CTBP1: variants seen among roughly 807,000 people sequenced by gnomAD.
The protein encoded by CTBP1 is C-terminal binding protein 1, also known as C-terminal-binding protein 1.
CTBP1 carries 11 observed loss-of-function variants against 42.1 expected under a neutral mutation model. That is an observed-to-expected ratio of 0.26 (90% CI 0.16 to 0.43). The LOEUF (loss-of-function observed/expected upper bound fraction) is 0.43. CTBP1 is among the 20% of genes least tolerant of loss of function. The probability of loss-of-function intolerance (pLI) is 1.00; values close to 1 mark genes in which losing one functional copy is unlikely to be tolerated. For missense variants in CTBP1, 399 were observed against 624.3 expected, an observed-to-expected ratio of 0.64 and a Z score of 3.85; for synonymous variants, 324 against 277.1, an observed-to-expected ratio of 1.17 and a Z score of -1.68.
chr4:1,214,603 C>T, intron 6 of CTBP1, 130 bp from the exon 7 acceptor site: 1 of 1,203,490 alleles, frequency 8.3e-7, no homozygotes, highest in African/African-American at 1.6e-5. Context: ...CCACCCTGGG[C>T]TCACCACGGC....
intron 5 of CTBP1, 59 bp downstream of exon 5, chr4:1,225,301 G>C: frequency 6.7e-7 from 1 of 1,498,210 alleles, no homozygotes; most frequent in Non-Finnish European, 8.9e-7. Flanking sequence ...GGGCACAGCT[G>C]AAGAGCGGCA....
chr4:1,250,296 C>T (rs1385977711), upstream of CTBP1: 1 of 239,130 alleles, frequency 4.2e-6, no homozygotes, highest in Non-Finnish European at 8.5e-6. Flanking sequence ...CCCTGCGTGC[C>T]ACGTTCTGTT....
At chr4:1,248,775 G>A (rs1422498527) in intron 1 of CTBP1, 141 bp downstream of exon 1, 24 of 966,706 alleles carry the variant, frequency 2.5e-5, no homozygotes, top group East Asian at 2.4e-4. Context: ...ACGCGCGGAC[G>A]CCGGCGCGCA....
At chr4:1,234,220 G>T (rs1731255094) in intron 3 of CTBP1, among the ~76,000 whole-genome samples, 1 of 152,220 alleles carries the variant, frequency 6.6e-6, no homozygotes, top group Non-Finnish European at 1.5e-5. Context: ...GGAGGTCACG[G>T]CTTCTCTTCA....
intron 5 of CTBP1, chr4:1,221,360 C>A (rs891521971): frequency 2.6e-5 from 4 of 152,388 alleles, no homozygotes; most frequent in Admixed American, 6.5e-5. Flanking sequence ...TCCTTCCAGG[C>A]GAAACAATGT....
At chr4:1,228,910 C>A (rs1730675576) in intron 3 of CTBP1, among the ~76,000 whole-genome samples, 1 of 152,236 alleles carries the variant, frequency 6.6e-6, no homozygotes, top group Admixed American at 6.5e-5. Flanking sequence ...GCATGCACTG[C>A]CCCCGTGTCG....
rs1010807329 is a variant in CTBP1 at position 1,230,341 on chromosome 4, C to T, written c.163-1998G>A. Among the ~76,000 whole-genome samples the T allele has an allele frequency of 1.1e-4, 17 of 152,322 alleles. 2 individuals carry two copies. The highest frequency in any genetic ancestry group is 1.9e-4 in the East Asian group (1 of 5,190). ...CTGCGCTGCGTGGACTGGAGATGGG[C>T]GCCCACACACCAAGGAGGTGCTTCG... is the stretch of plus-strand genomic sequence containing the variant. On this transcript the variant is annotated intron_variant, in intron 3 of 9. Transcript: ENST00000382952.
At chr4:1,221,153 C>T (rs997111281) in intron 5 of CTBP1, among the ~76,000 whole-genome samples, 2 of 152,238 alleles carry the variant, frequency 1.3e-5, no homozygotes, top group African/African-American at 2.4e-5. Flanking sequence ...GTAACCAACA[C>T]GAAAAAGACG....
chr4:1,235,298 G>A lies in CTBP1; in HGVS notation c.162+2885C>T, dbSNP rs1404904741. ...ATTACAAGCACGCATCTACCCGTGT[G>A]AGAAACCATGAAGAATCTTCCAGAG... On this transcript the variant is annotated intron_variant, in intron 3 of 9. Coordinates refer to ENST00000382952, the MANE Select transcript of CTBP1 (RefSeq NM_001012614.2). This position sits in a 1 kb window ranked among gnomAD's most constrained non-coding sequence, Gnocchi z 4.2. The A allele has an allele frequency of 6.6e-6, 1 of 152,196 alleles. No individual in the cohort carries two copies. The highest frequency in any genetic ancestry group is 1.9e-4 in the East Asian group (1 of 5,188). 9.4% of individuals were successfully genotyped at this position (152,196 alleles called of 1,614,324 possible).
At chr4:1,241,588 G>C in intron 1 of CTBP1, 69 bp from the exon 2 acceptor site, 1 of 1,488,922 alleles carries the variant, frequency 6.7e-7, no homozygotes, top group East Asian at 2.7e-5. Context: ...CAGACTCCAG[G>C]GAACGCCTCA....
intron 5 of CTBP1, among the ~76,000 whole-genome samples, chr4:1,219,882 G>C (rs1729544668): frequency 6.6e-6 from 1 of 152,246 alleles, no homozygotes. Flanking sequence ...CAAAACTCAA[G>C]TGTATTTCTA....
chr4:1,235,261 C>T lies in CTBP1; in HGVS notation c.162+2922G>A, dbSNP rs1731371391. On this transcript the variant is annotated intron_variant, in intron 3 of 9. Transcript: ENST00000382952. The surrounding 1 kb of genome is among the most constrained non-coding windows in gnomAD (Gnocchi z 4.2). ...GAGTCTCCGGGATAAAGGAGTGTGG[C>T]CACTGGGCTGCATTACAAGCACGCA... 6.6e-6 allele frequency: 1 copy of T among 152,166 alleles called. No homozygotes were observed. The highest frequency in any genetic ancestry group is 1.5e-5 in the Non-Finnish European group (1 of 68,048). 9.4% of individuals were successfully genotyped at this position (152,166 alleles called of 1,614,324 possible). A position where few individuals can be genotyped will look rare whatever the true frequency, so the allele number is the denominator to read the frequency against.
rs1157858227 is a variant in CTBP1 at position 1,215,906 on chromosome 4, G to A, written c.729+85C>T. 3.5e-6 allele frequency: 5 copies of A among 1,428,686 alleles called. No homozygotes were observed. The African/African-American group carries it at 5.6e-5, about 16-fold the overall frequency. 88.5% of individuals were successfully genotyped at this position (1,428,686 alleles called of 1,614,324 possible). A position where few individuals can be genotyped will look rare whatever the true frequency, so the allele number is the denominator to read the frequency against. Reference sequence around the variant, plus strand: ...GAAGGCAGGGTCTTGCCCAGGTGCAGATGGCTGCTGGGAGGGACCTGCCTG... The same window carrying A: ...GAAGGCAGGGTCTTGCCCAGGTGCAAATGGCTGCTGGGAGGGACCTGCCTG... On this transcript the variant is annotated intron_variant, in intron 6 of 9. Coordinates refer to ENST00000382952, the MANE Select transcript of CTBP1 (RefSeq NM_001012614.2).
rs756983335 is a variant in CTBP1, at chr4:1,233,477, C to A, written c.162+4706G>T. On this transcript the variant is annotated intron_variant, in intron 3 of 9. Transcript: ENST00000382952. The surrounding 1 kb of genome is among the most constrained non-coding windows in gnomAD (Gnocchi z 4.6). ...CGTCCTGTGCCCTCCCGGAGCCGCC[C>A]TGCCGCTCCAGGCCCCGCAGCCCAC... Among the ~76,000 whole-genome samples, 1 of 152,204 alleles carries A rather than the reference C, an allele frequency of 6.6e-6. No homozygotes were observed. The highest frequency in any genetic ancestry group is 1.5e-5 in the Non-Finnish European group (1 of 68,032).
At chr4:1,213,154 C>T in intron 8 of CTBP1, 124 bp from the exon 9 acceptor site, 3 of 896,260 alleles carry the variant, frequency 3.3e-6, no homozygotes, top group East Asian at 2.4e-5. Context: ...AGCCCCGGGG[C>T]TCCCAAGGCA....
At chr4:1,243,236 T>C in intron 1 of CTBP1, 1 of 985,332 alleles carries the variant, frequency 1.0e-6, no homozygotes, top group Non-Finnish European at 1.2e-6. Flanking sequence ...TACTGGCCAG[T>C]ACGTGCCCAC....
intron 3 of CTBP1, chr4:1,237,427 A>G (rs1731649117): frequency 2.9e-6 from 2 of 681,012 alleles, no homozygotes; most frequent in African/African-American, 3.6e-5. Context: ...CTCAGGACAA[A>G]CCCCGTGTCC....
intron 1 of CTBP1, chr4:1,244,353 C>G: frequency 1.7e-6 from 1 of 604,704 alleles, no homozygotes; most frequent in Non-Finnish European, 1.9e-6. Context: ...TCTCTGGGCA[C>G]TGGGGGGGGG....
intron 3 of CTBP1, among the ~76,000 whole-genome samples, chr4:1,231,415 T>G (rs965517384): frequency 6.6e-6 from 1 of 152,124 alleles, no homozygotes; most frequent in Non-Finnish European, 1.5e-5. Context: ...CGCCAGGGGC[T>G]CAGCCCCACT....
Sources: gnomAD v4.1 joint callset for allele counts (sites outside exome capture counted in the v4.1 genomes callset) on GRCh38, gnomAD v4.1.1 for gene constraint, Gnocchi (gnomAD v3.1) non-coding constraint, MANE v1.5 for transcripts, NCBI Gene and HGNC (gene_info 2026-07-23, HGNC 2026-07-21) for gene names.